The following ENPP2 variants were observed in gnomAD, a reference collection of about 807,000 sequenced individuals.
The protein encoded by ENPP2 is ectonucleotide pyrophosphatase/phosphodiesterase 2, also known as autotaxin.
ENPP2 carries 51 observed loss-of-function variants against 120.2 expected under a neutral mutation model. The ratio of observed to expected loss-of-function variants is 0.42; its 90% CI spans 0.34 to 0.54. The LOEUF is 0.54. Among genes scored for constraint, ENPP2 ranks in the 20% least tolerant of loss-of-function variants. The probability of loss-of-function intolerance (pLI) is 0.04; values close to 1 mark genes in which losing one functional copy is unlikely to be tolerated. For synonymous variants in ENPP2, 365 were observed against 366.4 expected (o/e 1.00, Z 0.04); for missense variants, 920 against 1,066.5 (o/e 0.86, Z 1.91).
At chr8:119,559,816 C>A (rs1813773721) in intron 24 of ENPP2, among the ~76,000 whole-genome samples, 1 of 152,194 alleles carries the variant, frequency 6.6e-6, no homozygotes, top group African/African-American at 2.4e-5. Flanking sequence ...TCTTTTCTCC[C>A]TGACTTTCTC....
chr8:119,647,100 C>A (rs922614672), intron 1 of ENPP2, among the ~76,000 whole-genome samples: 2 of 151,672 alleles, frequency 1.3e-5, no homozygotes, highest in African/African-American at 2.4e-5. Flanking sequence ...CGGGTTCAAG[C>A]AATTCTCTGC....
At chr8:119,668,811 C>T (rs894339932) in intron 1 of ENPP2, among the ~76,000 whole-genome samples, 15 of 152,134 alleles carry the variant, frequency 9.9e-5, no homozygotes, top group African/African-American at 3.6e-4. Context: ...ATCTCTAAAC[C>T]TTAACTATAT....
intron 11 of ENPP2, among the ~76,000 whole-genome samples, chr8:119,598,078 T>A (rs1050748521): frequency 6.6e-6 from 1 of 152,234 alleles, no homozygotes; most frequent in Non-Finnish European, 1.5e-5. Flanking sequence ...TAGGTAGGCA[T>A]ATAGGATACA....
At chr8:119,619,990 C>A (rs985147314) in intron 4 of ENPP2, among the ~76,000 whole-genome samples, 4 of 152,228 alleles carry the variant, frequency 2.6e-5, no homozygotes, top group African/African-American at 9.6e-5. Context: ...AGTTACATAT[C>A]CTGAACAGAA....
intron 9 of ENPP2, among the ~76,000 whole-genome samples, chr8:119,604,535 C>CA (rs1814554014): frequency 6.6e-6 from 1 of 151,526 alleles, no homozygotes; most frequent in Non-Finnish European, 1.5e-5. Context: ...CTGTCTTCAC[C>CA]ACCACTGATT....
Position 119,574,031 on chromosome 8 carries a change from T to C in ENPP2, c.1781-3190A>G, listed in dbSNP as rs1812161835. Among the ~76,000 whole-genome samples the C allele has an allele frequency of 2.6e-5, 4 of 152,126 alleles. No individual in the cohort carries two copies. The South Asian group carries it at 8.3e-4, about 32-fold the overall frequency. On this transcript the variant is annotated intron_variant, in intron 19 of 24. Coordinates refer to ENST00000075322, the MANE Select transcript of ENPP2 (RefSeq NM_001040092.3). ...TCCCCAATGACCCAAAAAAATCTACTTGGGTCTTCCTGGAGCTTAACAGTT... is the reference window on the plus strand; with the variant it reads ...TCCCCAATGACCCAAAAAAATCTACCTGGGTCTTCCTGGAGCTTAACAGTT...
chr8:119,602,388 C>G (rs186087829), intron 9 of ENPP2, among the ~76,000 whole-genome samples: 3 of 148,112 alleles, frequency 2.0e-5, no homozygotes, highest in Admixed American at 6.8e-5. Context: ...ATCCAGGAGG[C>G]AGAGGTTGCA....
At chr8:119,593,629 T>TAA in intron 12 of ENPP2, 123 bp downstream of exon 12, 1 of 660,704 alleles carries the variant, frequency 1.5e-6, no homozygotes, top group Non-Finnish European at 2.7e-6. Context: ...ATCCCCATCT[T>TAA]AAAGAAAGCG....
At chr8:119,673,214 A>C in intron 1 of ENPP2, 1 of 1,506,468 alleles carries the variant, frequency 6.6e-7, no homozygotes, top group South Asian at 1.2e-5. Context: ...TGGGAGCCCA[A>C]GCAATGGAGG....
chr8:119,601,188 T>C (rs1371036080), intron 10 of ENPP2, among the ~76,000 whole-genome samples: 1 of 152,226 alleles, frequency 6.6e-6, no homozygotes, highest in African/African-American at 2.4e-5. Flanking sequence ...GTGGACAGAA[T>C]TAATAGCTGC....
At chr8:119,665,055 C>T (rs1818030863) in intron 1 of ENPP2, among the ~76,000 whole-genome samples, 1 of 152,134 alleles carries the variant, frequency 6.6e-6, no homozygotes, top group East Asian at 1.9e-4. Context: ...TGTATGTTCC[C>T]GTGTTTAAAT....
At chr8:119,657,283 A>C (rs1817793069) in intron 1 of ENPP2, among the ~76,000 whole-genome samples, 2 of 152,220 alleles carry the variant, frequency 1.3e-5, no homozygotes, top group South Asian at 4.1e-4. Context: ...TAATTTGATC[A>C]AGGCCACATA....
chr8:119,585,927 GAC>G (rs34249912), intron 15 of ENPP2, among the ~76,000 whole-genome samples: 31,912 of 145,760 alleles, frequency 0.22, 3,469 homozygotes, highest in East Asian at 0.32. Context: ...GGATGAAAGA[GAC>G]ACACACACAC....
intron 5 of ENPP2, 122 bp downstream of exon 5, chr8:119,619,122 T>A: frequency 1.4e-6 from 1 of 710,740 alleles, no homozygotes; most frequent in East Asian, 2.6e-5. Flanking sequence ...TAAGTACTCA[T>A]AAGTTTGCCT....
chr8:119,617,643 G>A, intron 5 of ENPP2, 80 bp from the exon 6 acceptor site: 1 of 997,932 alleles, frequency 1.0e-6, no homozygotes, highest in Non-Finnish European at 1.5e-6. Flanking sequence ...AATAATGGGA[G>A]CAATAATTTC....
intron 9 of ENPP2, among the ~76,000 whole-genome samples, chr8:119,602,641 C>T (rs964512651): frequency 2.0e-5 from 3 of 152,126 alleles, no homozygotes; most frequent in Non-Finnish European, 4.4e-5. Context: ...ATTGCATCCC[C>T]GGCTGAGTTA....
In ENPP2 at chr8:119,595,352, T is replaced by A. The variant is rs1813812450; in HGVS notation, c.973-1492A>T. ...CTTGTGGAAATTACATACAACTCTA[T>A]CCGCCCATTATTTTCTCTTTCTTTC... On this transcript the variant is annotated intron_variant, in intron 11 of 24. Transcript: ENST00000075322. Among the ~76,000 whole-genome samples the A allele has an allele frequency of 3.3e-5, 5 of 152,194 alleles. No individual in the cohort carries two copies. The South Asian group carries it at 1.0e-3, about 31-fold the overall frequency.
chr8:119,668,411 CTTTTTCTTTTTCTTTTTCT>C (rs1563784271), intron 1 of ENPP2, among the ~76,000 whole-genome samples: 1 of 142,426 alleles, frequency 7.0e-6, no homozygotes, highest in Non-Finnish European at 1.5e-5. Context: ...TTTTCTTTTT[CTTTTTCTTTTTCTTTTTCT>C]TTTTTTTTTT....
At chr8:119,590,207 T>C (rs1031600032) in intron 13 of ENPP2, among the ~76,000 whole-genome samples, 9 of 152,222 alleles carry the variant, frequency 5.9e-5, no homozygotes, top group African/African-American at 2.2e-4. Context: ...TCAAACTAAG[T>C]GCAATTTCCA....
Sources: gnomAD v4.1 joint callset for allele counts (sites outside exome capture counted in the v4.1 genomes callset) on GRCh38, gnomAD v4.1.1 for gene constraint, MANE v1.5 for transcripts, NCBI Gene and HGNC (gene_info 2026-07-23, HGNC 2026-07-21) for gene names.